The following RAP1GAP2 variants were observed in gnomAD, a reference collection of about 807,000 sequenced individuals.
The protein encoded by RAP1GAP2 is rap1 GTPase-activating protein 2.
RAP1GAP2 carries 27 observed loss-of-function variants against 95.0 expected under a neutral mutation model. The ratio of observed to expected loss-of-function variants is 0.28; its 90% CI spans 0.21 to 0.39. The LOEUF (loss-of-function observed/expected upper bound fraction) is 0.39. RAP1GAP2 is among the 10% of genes least tolerant of loss of function. The pLI is 1.00. For missense variants in RAP1GAP2, 771 were observed against 970.0 expected (o/e 0.79, Z 2.72); for synonymous variants, 373 against 380.9 (o/e 0.98, Z 0.24).
At chr17:2,860,608 T>C (rs2072342974) in intron 2 of RAP1GAP2, among the ~76,000 whole-genome samples, 1 of 139,074 alleles carries the variant, frequency 7.2e-6, no homozygotes, top group African/African-American at 2.7e-5. Context: ...TTTTTTTTTT[T>C]TTTTTTTTTT....
chr17:2,928,496 A>G (rs983443755), intron 3 of RAP1GAP2, among the ~76,000 whole-genome samples: 11 of 151,986 alleles, frequency 7.2e-5, no homozygotes, highest in Non-Finnish European at 1.5e-4. Flanking sequence ...GGAGGGACGG[A>G]GGCACTGCCT....
At chr17:2,925,451 G>C (rs748297602) in intron 3 of RAP1GAP2, among the ~76,000 whole-genome samples, 1 of 152,122 alleles carries the variant, frequency 6.6e-6, no homozygotes, top group Non-Finnish European at 1.5e-5. Context: ...CGAAGGAGGA[G>C]CTTCCAAACA....
At chr17:2,978,614 G>A (rs530995286) in intron 8 of RAP1GAP2, among the ~76,000 whole-genome samples, 1 of 152,232 alleles carries the variant, frequency 6.6e-6, no homozygotes. Flanking sequence ...AAGCAAAACC[G>A]TGGATAAGGG....
chr17:2,882,370 C>T (rs1261320592), intron 2 of RAP1GAP2, among the ~76,000 whole-genome samples: 2 of 151,710 alleles, frequency 1.3e-5, no homozygotes, highest in African/African-American at 4.8e-5. Context: ...CAACTCACTG[C>T]AGCCTCCACC....
chr17:2,868,692 A>AT (rs35595797), intron 2 of RAP1GAP2, among the ~76,000 whole-genome samples: 1 of 151,490 alleles, frequency 6.6e-6, no homozygotes, highest in African/African-American at 2.4e-5. Context: ...TAATTTCTGT[A>AT]TTTTTTAGTA....
intron 19 of RAP1GAP2, among the ~76,000 whole-genome samples, chr17:3,022,085 A>G (rs1463446426): frequency 7.9e-5 from 12 of 152,222 alleles, no homozygotes; most frequent in African/African-American, 2.7e-4. Context: ...TGTAGTGGCT[A>G]TGCTAATTTA....
chr17:2,796,386 G>T, upstream of RAP1GAP2: 1 of 866,168 alleles, frequency 1.2e-6, no homozygotes, highest in South Asian at 1.6e-5. This position sits in a 1 kb window ranked among gnomAD's most constrained non-coding sequence, Gnocchi z 4.7. Flanking sequence ...AGCTCGGGTT[G>T]GGGGCAGGCG....
At chr17:2,782,550 G>A (rs2068684472) in intron 1 of RAP1GAP2, among the ~76,000 whole-genome samples, 3 of 152,148 alleles carry the variant, frequency 2.0e-5, no homozygotes, top group East Asian at 1.9e-4. Context: ...CTGGGGCTCC[G>A]GGCATCCAAT....
chr17:2,931,389 A>T (rs1286894862), intron 3 of RAP1GAP2, among the ~76,000 whole-genome samples: 1 of 151,466 alleles, frequency 6.6e-6, no homozygotes, highest in Non-Finnish European at 1.5e-5. Flanking sequence ...TTGGGGGTGG[A>T]TATTGTGGGA....
At chr17:2,872,213 CAAAAA>C (rs562587177) in intron 2 of RAP1GAP2, among the ~76,000 whole-genome samples, 2 of 75,664 alleles carry the variant, frequency 2.6e-5, no homozygotes, top group Non-Finnish European at 4.8e-5. Context: ...GCCTCTGTCT[CAAAAA>C]AAAAAAAAAA....
Position 2,867,739 on chromosome 17 carries a change from A to G in RAP1GAP2, c.81-37545A>G, listed in dbSNP as rs2072674374. On this transcript the variant is annotated intron_variant, in intron 2 of 24. Coordinates refer to ENST00000254695, the MANE Select transcript of RAP1GAP2 (RefSeq NM_015085.5). The surrounding 1 kb of genome is among the most constrained non-coding windows in gnomAD (Gnocchi z 4.5). The stretch of plus-strand genomic sequence containing the variant: ...CATGTTGCTCTCAGAAGCTCAGGGG[A>G]TGGAAGCTGGGCAGTAAAAATGCCA... Among the ~76,000 whole-genome samples, 9 of 152,046 alleles carry G rather than the reference A, an allele frequency of 5.9e-5. No homozygotes were observed. The highest frequency in any genetic ancestry group is 5.9e-4 in the Admixed American group (9 of 15,258).
At chr17:2,794,907 G>A (rs1273163219), upstream of RAP1GAP2, among the ~76,000 whole-genome samples, 2 of 70,218 alleles carry the variant, frequency 2.8e-5, no homozygotes, top group African/African-American at 6.1e-5. Flanking sequence ...ATGGAGTTTT[G>A]CTCTTTGTTG....
intron 2 of RAP1GAP2, among the ~76,000 whole-genome samples, chr17:2,840,475 T>A (rs1198271159): frequency 6.6e-6 from 1 of 152,108 alleles, no homozygotes; most frequent in Non-Finnish European, 1.5e-5. Context: ...TATTCTTTAT[T>A]TTCTTCCATC....
At chr17:2,853,926 T>TGCGGAGCGC (rs2072009118) in intron 2 of RAP1GAP2, 4 of 978,474 alleles carry the variant, frequency 4.1e-6, no homozygotes, top group Non-Finnish European at 4.8e-6. Flanking sequence ...AGGGGCCGGG[T>TGCGGAGCGC]GCGGAGCGCG....
intron 11 of RAP1GAP2, among the ~76,000 whole-genome samples, chr17:2,987,462 C>T (rs1218723196): frequency 6.6e-6 from 1 of 152,008 alleles, no homozygotes; most frequent in East Asian, 1.9e-4. Flanking sequence ...CTCCCGGGTT[C>T]AAGCAATTCT....
rs76274596 is a variant in RAP1GAP2, at chr17:2,902,704, C to G, written c.81-2580C>G. Among the ~76,000 whole-genome samples the G allele has an allele frequency of 0.028, 4,335 of 152,228 alleles. 142 individuals are homozygous for G. The highest frequency in any genetic ancestry group is 0.081 in the African/African-American group (3,363 of 41,520). ...CCTTCTGGTCAGAAGCTGCCATGTGCTCCGACTTGAGAGTCTGCCTCGCTT... is the reference window on the plus strand; with the variant it reads ...CCTTCTGGTCAGAAGCTGCCATGTGGTCCGACTTGAGAGTCTGCCTCGCTT... On this transcript the variant is annotated intron_variant, in intron 2 of 24. Transcript: ENST00000254695. The surrounding 1 kb of genome is among the most constrained non-coding windows in gnomAD (Gnocchi z 4.1).
intron 2 of RAP1GAP2, among the ~76,000 whole-genome samples, chr17:2,891,129 T>A (rs1485089522): frequency 6.6e-6 from 1 of 151,912 alleles, no homozygotes; most frequent in Non-Finnish European, 1.5e-5. Flanking sequence ...TTGTTTTCTA[T>A]GGACCTATCT....
chr17:2,852,072 G>GT (rs1213157407), intron 2 of RAP1GAP2, among the ~76,000 whole-genome samples: 2 of 152,188 alleles, frequency 1.3e-5, no homozygotes, highest in Non-Finnish European at 2.9e-5. Flanking sequence ...GGGTCCTCGG[G>GT]TGCTGTGTGC....
intron 2 of RAP1GAP2, among the ~76,000 whole-genome samples, chr17:2,849,577 C>T (rs925567315): frequency 4.6e-5 from 7 of 152,176 alleles, no homozygotes; most frequent in African/African-American, 1.7e-4. Flanking sequence ...TGATTAACTT[C>T]GCTGTCTCCC....
Sources: allele counts gnomAD v4.1 joint callset (sites outside exome capture counted in the v4.1 genomes callset), GRCh38; gene constraint gnomAD v4.1.1; non-coding constraint Gnocchi (gnomAD v3.1); transcripts MANE v1.5; gene names NCBI Gene and HGNC (gene_info 2026-07-23, HGNC 2026-07-21).